RNF220: variants seen among roughly 807,000 people sequenced by gnomAD.
RNF220 encodes the protein E3 ubiquitin-protein ligase RNF220.
Under a neutral mutation model 67.1 loss-of-function variants are expected in RNF220, and 7 were observed. That is an observed-to-expected ratio of 0.10 (90% confidence interval 0.06 to 0.20). The LOEUF is 0.20. Among genes scored for constraint, RNF220 ranks in the 10% least tolerant of loss-of-function variants. RNF220 has a pLI of 1.00. For missense variants in RNF220, 565 were observed against 740.3 expected (o/e 0.76, Z 2.75); for synonymous variants, 270 against 283.2 (o/e 0.95, Z 0.47).
intron 2 of RNF220, among the ~76,000 whole-genome samples, chr1:44,507,694 C>G (rs186899145): frequency 1.3e-5 from 2 of 152,252 alleles, no homozygotes; most frequent in African/African-American, 4.8e-5. Flanking sequence ...CGGAATGAAG[C>G]CCCGCCAGCA....
At chr1:44,560,870 T>C (rs1211662091) in intron 2 of RNF220, among the ~76,000 whole-genome samples, 1 of 150,922 alleles carries the variant, frequency 6.6e-6, no homozygotes, top group Non-Finnish European at 1.5e-5. Flanking sequence ...CTTCAGCCAG[T>C]AGTTGCTGAC....
At chr1:44,425,692 T>C (rs968649346) in intron 2 of RNF220, among the ~76,000 whole-genome samples, 1 of 152,202 alleles carries the variant, frequency 6.6e-6, no homozygotes, top group Non-Finnish European at 1.5e-5. Context: ...TGGGAGATGG[T>C]AGATAATCCC....
chr1:44,523,693 A>G (rs907902631), intron 2 of RNF220, among the ~76,000 whole-genome samples: 1 of 152,070 alleles, frequency 6.6e-6, no homozygotes, highest in Non-Finnish European at 1.5e-5. Flanking sequence ...TGTTAGGGAG[A>G]GGTATGGAAG....
chr1:44,583,011 AAAGAAG>A (rs61087324), intron 2 of RNF220, among the ~76,000 whole-genome samples: 1 of 151,992 alleles, frequency 6.6e-6, no homozygotes, highest in African/African-American at 2.4e-5. Context: ...CATTTCCAAA[AAAGAAG>A]AAGAAGAAGG....
intron 6 of RNF220, among the ~76,000 whole-genome samples, chr1:44,634,837 C>G (rs907390238): frequency 3.3e-5 from 5 of 152,214 alleles, no homozygotes; most frequent in Non-Finnish European, 7.3e-5. Context: ...CAGGGCCTGC[C>G]AGCCCCTCTG....
In RNF220 at chr1:44,545,229, A is replaced by G. The variant is rs138509842; in HGVS notation, c.626-68936A>G. ...GAACTCGGAGATGTGCAGGACAGAG[A>G]GAAGAGCTGACGGGACATCTGGTAC... On this transcript the variant is annotated intron_variant, in intron 2 of 14. Transcript: ENST00000361799. 3.0e-3 allele frequency among the ~76,000 whole-genome samples: 458 copies of G among 152,270 alleles called. 5 individuals carry two copies. The highest frequency in any genetic ancestry group is 0.01 in the African/African-American group (436 of 41,564).
chr1:44,529,298 A>C (rs1660646268), intron 2 of RNF220, among the ~76,000 whole-genome samples: 1 of 152,152 alleles, frequency 6.6e-6, no homozygotes, highest in African/African-American at 2.4e-5. Flanking sequence ...TTCAGCAGAG[A>C]TCCTAAAATA....
rs949097368 is a variant in RNF220 at position 44,651,216 on chromosome 1, C to G, written c.*441C>G. 2 of 183,424 alleles carry G rather than the reference C, an allele frequency of 1.1e-5. No homozygotes were observed. Among genetic ancestry groups the G allele is most frequent in the South Asian group, 1.2e-4 (1 of 8,596 alleles). 11.4% of individuals were successfully genotyped at this position (183,424 alleles called of 1,614,324 possible). On this transcript the variant is annotated 3_prime_UTR_variant, in exon 15 of 15. Coordinates refer to ENST00000361799, the MANE Select transcript of RNF220 (RefSeq NM_018150.4). ...CCTCGCCCTCTACCTGTCCCCTCCC[C>G]CTTTGGTTGTATGATTTTCTTCTTT...
intron 2 of RNF220, among the ~76,000 whole-genome samples, chr1:44,526,050 C>G (rs1464330537): frequency 6.6e-6 from 1 of 152,166 alleles, no homozygotes; most frequent in Non-Finnish European, 1.5e-5. Flanking sequence ...ACCCTTTGAT[C>G]AACATCTTTA....
intron 2 of RNF220, among the ~76,000 whole-genome samples, chr1:44,420,630 G>T (rs1027934665): frequency 6.6e-6 from 1 of 152,284 alleles, no homozygotes; most frequent in Middle Eastern, 3.4e-3. Flanking sequence ...CAGATCAAAG[G>T]TGGGGAGGCA....
chr1:44,496,617 G>A (rs904693464), intron 2 of RNF220, among the ~76,000 whole-genome samples: 2 of 152,134 alleles, frequency 1.3e-5, no homozygotes, highest in East Asian at 3.9e-4. Context: ...ACTTCAGCAG[G>A]TCCCACTTTT....
Position 44,462,260 on chromosome 1 carries a change from A to G in RNF220, c.625+49538A>G, listed in dbSNP as rs77236400. ...ATATATATTTTTTAATGGGAATCAC[A>G]TGAAATGGAATTTATTAAAATTCCT... On this transcript the variant is annotated intron_variant, in intron 2 of 14. Coordinates refer to ENST00000361799, the MANE Select transcript of RNF220 (RefSeq NM_018150.4). Among the ~76,000 whole-genome samples, 1,065 of 152,184 alleles carry G rather than the reference A, an allele frequency of 7.0e-3. 86 individuals are homozygous for G. The East Asian group carries it at 0.17, about 24-fold the overall frequency.
chr1:44,594,396 G>A (rs75688557), intron 2 of RNF220, among the ~76,000 whole-genome samples: 5,370 of 152,236 alleles, frequency 0.035, 338 homozygotes, highest in African/African-American at 0.12. Context: ...CCCAGGAAGT[G>A]GAGCCCATCG....
Position 44,649,772 on chromosome 1 carries a change from G to A in RNF220, c.1554+3G>A. 1 of 1,614,016 alleles carries A rather than the reference G, an allele frequency of 6.2e-7. No individual in the cohort carries two copies. The highest frequency in any genetic ancestry group is 1.1e-5 in the South Asian group (1 of 91,090). ...GTTACAAATGCCTCATCTGCATGGT[G>A]AGTAGAAAAGAACCTAGGGGTGCCC... is the stretch of plus-strand genomic sequence containing the variant. On this transcript the variant is annotated splice_donor_region_variant and intron_variant, in intron 13 of 14. Transcript: ENST00000361799. This position sits in a 1 kb window ranked among gnomAD's most constrained non-coding sequence, Gnocchi z 5.9.
chr1:44,463,232 G>T (rs1368919261), intron 2 of RNF220, among the ~76,000 whole-genome samples: 1 of 152,076 alleles, frequency 6.6e-6, no homozygotes, highest in Non-Finnish European at 1.5e-5. Flanking sequence ...GCTCTTGGGA[G>T]GCTGAGGCAG....
chr1:44,571,594 A>G (rs1174309827), intron 2 of RNF220, among the ~76,000 whole-genome samples: 2 of 152,196 alleles, frequency 1.3e-5, no homozygotes, highest in Admixed American at 6.5e-5. Flanking sequence ...AAATGAATGA[A>G]TGTTTGCTCT....
intron 2 of RNF220, among the ~76,000 whole-genome samples, chr1:44,538,032 A>G (rs34403843): frequency 0.062 from 9,504 of 152,326 alleles, 372 homozygotes; most frequent in Non-Finnish European, 0.094. Flanking sequence ...CTGTATGCCT[A>G]CTTGCAGAAG....
chr1:44,555,426 A>G (rs563980305), intron 2 of RNF220, among the ~76,000 whole-genome samples: 1 of 151,896 alleles, frequency 6.6e-6, no homozygotes, highest in Admixed American at 6.6e-5. Context: ...TATGGCCTCT[A>G]TGCATACCCT....
intron 2 of RNF220, among the ~76,000 whole-genome samples, chr1:44,493,105 A>G (rs914171898): frequency 2.6e-5 from 4 of 152,188 alleles, no homozygotes; most frequent in African/African-American, 9.7e-5. Flanking sequence ...GGAAAACTCC[A>G]TATTGACCTC....
Sources: allele counts gnomAD v4.1 joint callset (sites outside exome capture counted in the v4.1 genomes callset), GRCh38; gene constraint gnomAD v4.1.1; non-coding constraint Gnocchi (gnomAD v3.1); transcripts MANE v1.5; gene names NCBI Gene and HGNC (gene_info 2026-07-23, HGNC 2026-07-21).